The following SYNE1 variants were observed in gnomAD, a reference collection of about 807,000 sequenced individuals.
The protein encoded by SYNE1 is spectrin repeat containing nuclear envelope protein 1, also known as nesprin-1.
In SYNE1, 616 loss-of-function variants were observed where a neutral mutation model predicts 1,111.0. That is an observed-to-expected ratio of 0.55 (90% confidence interval 0.52 to 0.59). The LOEUF is 0.59. Ranked by LOEUF, SYNE1 falls within the 20% of genes least tolerant of loss-of-function variation. The probability of loss-of-function intolerance (pLI) is 0.00; values close to 1 mark genes in which losing one functional copy is unlikely to be tolerated. For missense variants in SYNE1, 10,006 were observed against 10,417.0 expected, an observed-to-expected ratio of 0.96 and a Z score of 1.72; for synonymous variants, 3,855 against 3,825.8, an observed-to-expected ratio of 1.01 and a Z score of -0.28.
intron 32 of SYNE1, among the ~76,000 whole-genome samples, chr6:152,439,062 T>TAA (rs2098503163): frequency 6.6e-6 from 1 of 152,200 alleles, no homozygotes; most frequent in Non-Finnish European, 1.5e-5. Flanking sequence ...ACCTATTTCT[T>TAA]AGGACTGTTT....
intron 42 of SYNE1, among the ~76,000 whole-genome samples, chr6:152,412,684 T>G (rs112211436): frequency 6.6e-6 from 1 of 152,160 alleles, no homozygotes; most frequent in African/African-American, 2.4e-5. Context: ...TCAAAACTGA[T>G]AGCATTGCGT....
At chr6:152,281,775 G>A (rs755172942) in intron 97 of SYNE1, 32 bp downstream of exon 97, 3 of 1,613,086 alleles carry the variant, frequency 1.9e-6, no homozygotes, top group Admixed American at 1.7e-5. Flanking sequence ...GCTTCATGAT[G>A]TTGACATATT....
intron 3 of SYNE1, among the ~76,000 whole-genome samples, chr6:152,589,366 A>G (rs2099551111): frequency 6.6e-6 from 1 of 152,218 alleles, no homozygotes; most frequent in African/African-American, 2.4e-5. Flanking sequence ...GAAATTTAAT[A>G]TAAATATTCT....
chr6:152,496,996 C>A (rs943446636), intron 11 of SYNE1, among the ~76,000 whole-genome samples: 6 of 152,016 alleles, frequency 3.9e-5, no homozygotes, highest in African/African-American at 1.2e-4. Flanking sequence ...AGAGAAAAAA[C>A]CCCTTTGACT....
rs201896650 is a variant in SYNE1 at position 152,330,818 on chromosome 6, G to T, written c.13867C>A (p.Gln4623Lys). ...PEYENLLLTL[Q>K]RTGQTILPSL... ...GGTAATATGGTCTGCCCAGTTCTCT[G>T]CAGCGTAAGTAGAAGATTTTCATAT... Residue 4623 changes from glutamine to lysine, a missense_variant, in exon 78 of 146, where the codon CAG becomes AAG. Physicochemically the swap from Gln to Lys is moderately conservative, Grantham distance 53. Transcript: ENST00000367255. The T allele has an allele frequency of 6.2e-6, 10 of 1,613,914 alleles. No individual in the cohort carries two copies. Among genetic ancestry groups the T allele is most frequent in the Admixed American group, 1.7e-5 (1 of 60,018 alleles).
chr6:152,167,376 T>C (rs1460060998), intron 130 of SYNE1, among the ~76,000 whole-genome samples: 1 of 152,178 alleles, frequency 6.6e-6, no homozygotes, highest in East Asian at 1.9e-4. Context: ...AAATTCTAAA[T>C]ATAATAGAAC....
intron 117 of SYNE1, among the ~76,000 whole-genome samples, 156 bp from the exon 118 acceptor site, chr6:152,221,715 AATC>A (rs1447027055): frequency 6.6e-6 from 1 of 152,222 alleles, no homozygotes; most frequent in Non-Finnish European, 1.5e-5. Context: ...TTCTTTAGAT[AATC>A]ATTTATTCTC....
chr6:152,395,825 C>T (rs537672218), intron 50 of SYNE1, among the ~76,000 whole-genome samples, 154 bp from the exon 51 acceptor site: 3 of 152,266 alleles, frequency 2.0e-5, no homozygotes, highest in Admixed American at 2.0e-4. Context: ...ACTAACCCAC[C>T]CAAATTATCA....
At chr6:152,217,313 G>A (rs368636423) in intron 121 of SYNE1, among the ~76,000 whole-genome samples, 24 of 143,438 alleles carry the variant, frequency 1.7e-4, no homozygotes, top group Middle Eastern at 4.3e-3. Flanking sequence ...AGAGAATGGC[G>A]TGAACCTGGG....
intron 135 of SYNE1, 57 bp downstream of exon 135, chr6:152,151,496 A>G (rs2881823): frequency 0.035 from 56,841 of 1,608,260 alleles, 1,127 homozygotes; most frequent in Middle Eastern, 0.046. Flanking sequence ...AAAGAGCCAC[A>G]AATCCTTTCA....
chr6:152,174,597 C>T (rs2065935461), intron 130 of SYNE1, among the ~76,000 whole-genome samples: 1 of 152,170 alleles, frequency 6.6e-6, no homozygotes, highest in African/African-American at 2.4e-5. Context: ...AACTTATCTT[C>T]CATTTAACTG....
At chr6:152,248,463 T>TG (rs2088084861) in intron 105 of SYNE1, among the ~76,000 whole-genome samples, 1 of 5,552 alleles carries the variant, frequency 1.8e-4, no homozygotes, top group Non-Finnish European at 2.5e-4. Flanking sequence ...ATTTATTTCC[T>TG]TTTTTTTTTA....
rs928974410 is a variant in SYNE1, at chr6:152,608,938, T to A, written c.67+19327A>T. On this transcript the variant is annotated intron_variant, in intron 3 of 145. Coordinates refer to ENST00000367255, the MANE Select transcript of SYNE1 (RefSeq NM_182961.4). Reference sequence around the variant, plus strand: ...CAGAGCGAGACTCTGTGGCAAAAAATAAAAAAATAAAAAAAAATCAGAGTT... The same window carrying A: ...CAGAGCGAGACTCTGTGGCAAAAAAAAAAAAAATAAAAAAAAATCAGAGTT... 1.2e-4 allele frequency among the ~76,000 whole-genome samples: 8 copies of A among 69,204 alleles called. 1 individual carries two copies. The South Asian group carries it at 1.2e-3, about 10-fold the overall frequency. The allele number at this position is 69,204 out of a possible 152,430, so 45.4% of individuals were successfully genotyped here. A position where few individuals can be genotyped will look rare whatever the true frequency, so the allele number is the denominator to read the frequency against.
chr6:152,486,008 A>C (rs2098937250), intron 12 of SYNE1, among the ~76,000 whole-genome samples: 1 of 152,178 alleles, frequency 6.6e-6, no homozygotes, highest in Non-Finnish European at 1.5e-5. Flanking sequence ...CATCCTGGCC[A>C]ACATGGTGAA....
intron 134 of SYNE1, 40 bp downstream of exon 134, chr6:152,151,919 T>A (rs1279076486): frequency 3.7e-6 from 6 of 1,609,544 alleles, no homozygotes. Flanking sequence ...CCCAGTCCCA[T>A]CCTCTGGCCT....
chr6:152,349,682 T>C (rs914163477), intron 72 of SYNE1, among the ~76,000 whole-genome samples: 9 of 152,332 alleles, frequency 5.9e-5, no homozygotes, highest in Non-Finnish European at 1.0e-4. Context: ...ACTCAGACCT[T>C]CATATGGTTT....
intron 98 of SYNE1, among the ~76,000 whole-genome samples, chr6:152,274,624 T>G (rs1046255623): frequency 3.3e-5 from 5 of 152,174 alleles, no homozygotes; most frequent in African/African-American, 9.7e-5. Flanking sequence ...GAGATGGAGT[T>G]TCACTCCTGT....
intron 53 of SYNE1, 123 bp from the exon 54 acceptor site, chr6:152,387,504 G>T: frequency 2.9e-6 from 3 of 1,050,564 alleles, no homozygotes; most frequent in South Asian, 1.4e-5. Context: ...TGATGAAAAT[G>T]TTGCTTTTGA....
intron 105 of SYNE1, 43 bp from the exon 106 acceptor site, chr6:152,244,699 A>G: frequency 6.2e-7 from 1 of 1,612,388 alleles, no homozygotes; most frequent in Non-Finnish European, 8.5e-7. Context: ...CCCATGAACA[A>G]TTTCCCCACG....
Sources: gnomAD v4.1 joint callset for allele counts (sites outside exome capture counted in the v4.1 genomes callset) on GRCh38, gnomAD v4.1.1 for gene constraint, MANE v1.5 for transcripts, NCBI Gene and HGNC (gene_info 2026-07-23, HGNC 2026-07-21) for gene names.